AR: variants seen among roughly 807,000 people sequenced by gnomAD.
AR encodes dihydrotestosterone receptor.
Under a neutral mutation model 53.9 loss-of-function variants are expected in AR, and 8 were observed. The ratio of observed to expected loss-of-function variants is 0.15; its 90% CI spans 0.09 to 0.27. The LOEUF is 0.27. Among genes scored for constraint, AR ranks in the 10% least tolerant of loss-of-function variants. The probability of loss-of-function intolerance (pLI) is 1.00; values close to 1 mark genes in which losing one functional copy is unlikely to be tolerated. For synonymous variants in AR, 359 were observed against 316.4 expected (o/e 1.13, Z -1.43); for missense variants, 639 against 742.5 (o/e 0.86, Z 1.62).
intron 2 of AR, among the ~76,000 whole-genome samples, chrX:67,647,340 C>G (rs1021989410): frequency 3.6e-5 from 4 of 111,689 alleles, no homozygotes; most frequent in Non-Finnish European, 7.5e-5. Context: ...GATTCTCTCT[C>G]TCACTCCAGG....
At chrX:67,643,543 A>C in intron 2 of AR, 136 bp downstream of exon 2, 3 of 880,742 alleles carry the variant, frequency 3.4e-6, no homozygotes, top group Non-Finnish European at 4.7e-6. Context: ...ATAACTTAGG[A>C]GCCTAAGGAA....
chrX:67,571,574 G>A (rs1921814669), intron 1 of AR, among the ~76,000 whole-genome samples: 1 of 111,605 alleles, frequency 9.0e-6, no homozygotes, highest in South Asian at 3.8e-4. Flanking sequence ...TGTGCTAAGG[G>A]AACATATATC....
chrX:67,585,037 C>A (rs999604602), intron 1 of AR, among the ~76,000 whole-genome samples: 7 of 111,280 alleles, frequency 6.3e-5, no homozygotes, highest in Non-Finnish European at 1.1e-4. Flanking sequence ...GGGTGGATCA[C>A]CTGAGGTCAG....
At chrX:67,568,567 A>G (rs1360443055) in intron 1 of AR, among the ~76,000 whole-genome samples, 1 of 111,507 alleles carries the variant, frequency 9.0e-6, no homozygotes, top group African/African-American at 3.3e-5. Context: ...ACCAACTCCA[A>G]TTAAAGTGGG....
intron 2 of AR, among the ~76,000 whole-genome samples, chrX:67,681,167 C>T (rs2075931525): frequency 8.9e-6 from 1 of 111,861 alleles, no homozygotes; most frequent in African/African-American, 3.3e-5. Flanking sequence ...TCATTATAGA[C>T]TGTGGATACA....
intron 1 of AR, among the ~76,000 whole-genome samples, chrX:67,606,574 G>T (rs1044561364): frequency 8.9e-6 from 1 of 112,119 alleles, no homozygotes; most frequent in Non-Finnish European, 1.9e-5. Flanking sequence ...ACCCTTTGAA[G>T]ATATTGAACT....
At chrX:67,709,606 T>C (rs2076085132) in intron 3 of AR, among the ~76,000 whole-genome samples, 1 of 112,194 alleles carries the variant, frequency 8.9e-6, no homozygotes, top group African/African-American at 3.2e-5. Flanking sequence ...GCGATGCCTC[T>C]CCCTGCTTTG....
intron 2 of AR, among the ~76,000 whole-genome samples, chrX:67,648,262 C>T (rs1056959292): frequency 1.8e-5 from 2 of 111,449 alleles, no homozygotes; most frequent in African/African-American, 6.5e-5. Context: ...TAGATCACTC[C>T]TCCTTGCAAT....
At chrX:67,580,126 A>G (rs780475239) in intron 1 of AR, among the ~76,000 whole-genome samples, 1 of 109,115 alleles carries the variant, frequency 9.2e-6, no homozygotes, top group South Asian at 4.1e-4. Flanking sequence ...AGTTCATCTT[A>G]AGCATATGGC....
chrX:67,571,831 T>TA (rs200455952), intron 1 of AR, among the ~76,000 whole-genome samples: 45 of 106,642 alleles, frequency 4.2e-4, no homozygotes, highest in South Asian at 1.2e-3. Context: ...TAATGAAAAT[T>TA]AAAAAAAAAA....
At position 67,659,091 on chromosome X, in the gene AR, C is replaced by T. The variant is rs1028525295; in HGVS notation, c.1768+15684C>T. Among the ~76,000 whole-genome samples the T allele has an allele frequency of 4.5e-5, 5 of 110,749 alleles. No homozygotes were observed. The East Asian group carries it at 1.1e-3, about 25-fold the overall frequency. ...ATAAATTACATGTGGAAAAGAAAGG[C>T]CTCCTATGTTAGAATAGAAAATAAA... is the stretch of plus-strand genomic sequence containing the variant. On this transcript the variant is annotated intron_variant, in intron 2 of 7. Coordinates refer to ENST00000374690, the MANE Select transcript of AR (RefSeq NM_000044.6).
intron 2 of AR, among the ~76,000 whole-genome samples, chrX:67,669,592 A>G (rs1448751640): frequency 9.0e-6 from 1 of 111,450 alleles, no homozygotes; most frequent in South Asian, 3.7e-4. Context: ...CCGATGTTTC[A>G]TTGTTCATTT....
intron 3 of AR, among the ~76,000 whole-genome samples, chrX:67,704,887 A>T (rs1471861466): frequency 8.9e-6 from 1 of 111,874 alleles, no homozygotes; most frequent in East Asian, 2.8e-4. Flanking sequence ...TCACAGCACC[A>T]TTTGTTAAAT....
chrX:67,704,384 C>A (rs1251358858), intron 3 of AR, among the ~76,000 whole-genome samples: 2 of 112,383 alleles, frequency 1.8e-5, no homozygotes, highest in African/African-American at 6.5e-5. Flanking sequence ...ATTTGCATTT[C>A]TCTGATGGCC....
chrX:67,580,777 T>A (rs1168008449), intron 1 of AR, among the ~76,000 whole-genome samples: 2 of 111,318 alleles, frequency 1.8e-5, no homozygotes, highest in African/African-American at 6.5e-5. Flanking sequence ...TATGAATGAG[T>A]TTTTTTGTTC....
Position 67,685,913 on chromosome X carries a change from A to G in AR, c.1769-97A>G, listed in dbSNP as rs1333475096. 8.7e-6 allele frequency: 10 copies of G among 1,149,217 alleles called. No individual in the cohort carries two copies. In the African/African-American group the frequency reaches 9.0e-5, roughly 10 times the overall value. 94.7% of individuals were successfully genotyped at this position (1,149,217 alleles called of 1,213,427 possible). A position where few individuals can be genotyped will look rare whatever the true frequency, so the allele number is the denominator to read the frequency against. On this transcript the variant is annotated intron_variant, in intron 2 of 7. Transcript: ENST00000374690. ...CTGTCCACTTTTTTCATGTGGTAGG[A>G]TATAATTTCATATCTTTTCTGTTCT...
At chrX:67,584,006 G>A (rs1165936941) in intron 1 of AR, among the ~76,000 whole-genome samples, 1 of 112,197 alleles carries the variant, frequency 8.9e-6, no homozygotes, top group Non-Finnish European at 1.9e-5. Context: ...TTTGTCATCT[G>A]GATCAAGGAG....
chrX:67,584,664 C>G (rs1162194416), intron 1 of AR, among the ~76,000 whole-genome samples: 1 of 112,251 alleles, frequency 8.9e-6, no homozygotes, highest in African/African-American at 3.2e-5. Context: ...AACTTGGTAA[C>G]TGTTGATAAC....
At chrX:67,553,024 A>T (rs995360475) in intron 1 of AR, among the ~76,000 whole-genome samples, 3 of 110,588 alleles carry the variant, frequency 2.7e-5, no homozygotes, top group African/African-American at 9.9e-5. Context: ...TACGTTCTTA[A>T]TGGTATCTAG....
Sources: allele counts gnomAD v4.1 joint callset (sites outside exome capture counted in the v4.1 genomes callset), GRCh38; gene constraint gnomAD v4.1.1; transcripts MANE v1.5; gene names NCBI Gene and HGNC (gene_info 2026-07-23, HGNC 2026-07-21).